PREX2: variants seen among roughly 807,000 people sequenced by gnomAD.
PREX2 encodes the protein phosphatidylinositol-3,4,5-trisphosphate dependent Rac exchange factor 2, also known as phosphatidylinositol 3,4,5-trisphosphate-dependent Rac exchanger 2 protein.
In PREX2, 107 loss-of-function variants were observed where a neutral mutation model predicts 203.2. That is an observed-to-expected ratio of 0.53 (90% confidence interval 0.45 to 0.62). The LOEUF (loss-of-function observed/expected upper bound fraction) is 0.62. PREX2 is among the 20% of genes least tolerant of loss of function. PREX2 has a pLI of 0.00. For synonymous variants in PREX2, 672 were observed against 663.6 expected (o/e 1.01, Z -0.19); for missense variants, 1,777 against 1,955.9 (o/e 0.91, Z 1.72).
At chr8:68,169,448 G>A (rs2380448) in intron 35 of PREX2, among the ~76,000 whole-genome samples, 120,168 of 151,940 alleles carry the variant, frequency 0.79, 47,985 homozygotes, top group African/African-American at 0.9. Flanking sequence ...CGTGGAACAG[G>A]CACGCTGTTC....
At chr8:68,051,690 T>C (rs758472648) in intron 8 of PREX2, among the ~76,000 whole-genome samples, 34 of 152,186 alleles carry the variant, frequency 2.2e-4, no homozygotes, top group South Asian at 4.1e-4. Context: ...TCTTACTTTG[T>C]GTAGGATGGG....
intron 31 of PREX2, among the ~76,000 whole-genome samples, chr8:68,130,645 A>T (rs2129613325): frequency 6.6e-6 from 1 of 152,308 alleles, no homozygotes; most frequent in Middle Eastern, 3.4e-3. Flanking sequence ...CCACATGGGG[A>T]TCTGATACCT....
intron 32 of PREX2, 69 bp from the exon 33 acceptor site, chr8:68,138,346 C>G: frequency 1.3e-6 from 1 of 792,558 alleles, no homozygotes; most frequent in East Asian, 2.8e-5. Context: ...TCTGAATTTA[C>G]ATTATGTCAT....
At chr8:68,066,840 T>G (rs1167270307) in intron 11 of PREX2, among the ~76,000 whole-genome samples, 1 of 152,136 alleles carries the variant, frequency 6.6e-6, no homozygotes, top group Non-Finnish European at 1.5e-5. Context: ...AATCTTTTCT[T>G]CCAGTAGTTT....
At chr8:68,075,253 G>T (rs1563531295) in intron 14 of PREX2, among the ~76,000 whole-genome samples, 2 of 152,142 alleles carry the variant, frequency 1.3e-5, no homozygotes, top group Non-Finnish European at 2.9e-5. Flanking sequence ...AATAATATTA[G>T]TCTGGCCAGT....
intron 37 of PREX2, among the ~76,000 whole-genome samples, chr8:68,216,761 T>A (rs1327177366): frequency 3.3e-5 from 5 of 151,860 alleles, no homozygotes; most frequent in Non-Finnish European, 5.9e-5. Flanking sequence ...ATTGAGACCA[T>A]CCTGGCCAAC....
intron 32 of PREX2, among the ~76,000 whole-genome samples, chr8:68,135,267 C>T (rs572844157): frequency 1.7e-4 from 26 of 152,074 alleles, no homozygotes; most frequent in African/African-American, 5.1e-4. Context: ...AATCAAGTGC[C>T]GGTGCTTTTA....
chr8:68,160,774 TAGAG>T (rs1390617630), intron 35 of PREX2, among the ~76,000 whole-genome samples: 2 of 152,168 alleles, frequency 1.3e-5, no homozygotes, highest in Non-Finnish European at 2.9e-5. Context: ...TATTCTTTGA[TAGAG>T]AGAAGACTTA....
intron 30 of PREX2, among the ~76,000 whole-genome samples, chr8:68,126,690 A>T (rs1040613341): frequency 2.1e-4 from 32 of 152,062 alleles, no homozygotes; most frequent in Admixed American, 1.6e-3. Flanking sequence ...GTAAGTTTTT[A>T]AATTTACCTA....
At chr8:67,960,795 T>C (rs1208282614) in intron 1 of PREX2, among the ~76,000 whole-genome samples, 1 of 152,030 alleles carries the variant, frequency 6.6e-6, no homozygotes, top group Non-Finnish European at 1.5e-5. Context: ...ACCGTAATGA[T>C]TTGGACACAC....
chr8:68,036,347 G>T (rs1808030260), intron 6 of PREX2, among the ~76,000 whole-genome samples: 1 of 152,136 alleles, frequency 6.6e-6, no homozygotes, highest in Non-Finnish European at 1.5e-5. Context: ...GAAATGTTTT[G>T]TTAAGAATGC....
chr8:68,091,891 C>T (rs1390145402), intron 20 of PREX2, among the ~76,000 whole-genome samples: 1 of 152,186 alleles, frequency 6.6e-6, no homozygotes, highest in Non-Finnish European at 1.5e-5. Flanking sequence ...AATCCACTAA[C>T]ATGCTCTACC....
chr8:68,212,862 A>G (rs920326791), intron 37 of PREX2, among the ~76,000 whole-genome samples: 2 of 152,212 alleles, frequency 1.3e-5, no homozygotes, highest in Non-Finnish European at 2.9e-5. Flanking sequence ...AAAAAAGAAA[A>G]AACTTCTCTA....
intron 15 of PREX2, among the ~76,000 whole-genome samples, chr8:68,078,363 C>T (rs2129611835): frequency 6.6e-6 from 1 of 152,218 alleles, no homozygotes; most frequent in South Asian, 2.1e-4. Context: ...GATGGAGTTT[C>T]ACCAAGCTAG....
chr8:68,104,159 A>G (rs1043495825), intron 23 of PREX2, among the ~76,000 whole-genome samples: 5 of 152,040 alleles, frequency 3.3e-5, no homozygotes, highest in African/African-American at 1.2e-4. Context: ...TTACCTTCAA[A>G]CATGCAGCCT....
intron 35 of PREX2, among the ~76,000 whole-genome samples, chr8:68,188,575 T>C (rs575212253): frequency 6.6e-6 from 1 of 152,318 alleles, no homozygotes; most frequent in East Asian, 1.9e-4. Context: ...GAAAAAGGTT[T>C]AATGGACTCA....
intron 11 of PREX2, among the ~76,000 whole-genome samples, chr8:68,063,025 G>A (rs16934093): frequency 0.011 from 1,620 of 152,136 alleles, 31 homozygotes; most frequent in African/African-American, 0.033. Flanking sequence ...ATGATTTTGC[G>A]CTTGTTTCAT....
intron 1 of PREX2, among the ~76,000 whole-genome samples, chr8:68,001,459 G>A (rs977866818): frequency 6.6e-6 from 1 of 152,150 alleles, no homozygotes; most frequent in Non-Finnish European, 1.5e-5. Flanking sequence ...TGCTGTTGTG[G>A]TTGCAGAGAA....
chr8:68,231,127 A>C (rs1462855556), intron 39 of PREX2, among the ~76,000 whole-genome samples: 1 of 152,216 alleles, frequency 6.6e-6, no homozygotes, highest in Non-Finnish European at 1.5e-5. Flanking sequence ...CCATCAAGCT[A>C]TGCAGAGGGG....
Sources: gnomAD v4.1 joint callset for allele counts (sites outside exome capture counted in the v4.1 genomes callset) on GRCh38, gnomAD v4.1.1 for gene constraint, MANE v1.5 for transcripts, NCBI Gene and HGNC (gene_info 2026-07-23, HGNC 2026-07-21) for gene names.